The following IL1RAPL2 variants were observed in gnomAD, a reference collection of about 807,000 sequenced individuals.
IL1RAPL2 encodes the protein interleukin 1 receptor accessory protein like 2.
IL1RAPL2 carries 3 observed loss-of-function variants against 44.1 expected under a neutral mutation model. The ratio of observed to expected loss-of-function variants is 0.07; its 90% CI spans 0.03 to 0.18. IL1RAPL2 has a LOEUF of 0.18. IL1RAPL2 is among the 10% of genes least tolerant of loss of function. The pLI is 1.00. For synonymous variants in IL1RAPL2, 181 were observed against 178.8 expected (o/e 1.01, Z -0.10); for missense variants, 391 against 496.4 (o/e 0.79, Z 2.02).
At chrX:105,209,920 GC>G (rs1880310966) in intron 3 of IL1RAPL2, among the ~76,000 whole-genome samples, 1 of 110,942 alleles carries the variant, frequency 9.0e-6, no homozygotes, top group South Asian at 3.9e-4. Context: ...CCTTTCTAGT[GC>G]CCCCTCCTAG....
At chrX:105,250,113 A>G (rs2034257136) in intron 4 of IL1RAPL2, among the ~76,000 whole-genome samples, 1 of 111,567 alleles carries the variant, frequency 9.0e-6, no homozygotes, top group South Asian at 3.6e-4. Flanking sequence ...TGAAAAGGGT[A>G]CGTACTGTAT....
intron 2 of IL1RAPL2, among the ~76,000 whole-genome samples, chrX:104,910,170 C>T (rs988749276): frequency 8.9e-6 from 1 of 112,541 alleles, no homozygotes; most frequent in East Asian, 2.8e-4. Context: ...TCCCTGACCC[C>T]TTGCGCTTCC....
At chrX:104,572,391 A>G (rs774538229) in intron 1 of IL1RAPL2, among the ~76,000 whole-genome samples, 4 of 111,550 alleles carry the variant, frequency 3.6e-5, no homozygotes, top group African/African-American at 1.3e-4. Flanking sequence ...AGACTGGATC[A>G]CTCACCATTA....
chrX:105,570,025 T>C (rs977681875), intron 6 of IL1RAPL2, among the ~76,000 whole-genome samples: 2 of 111,381 alleles, frequency 1.8e-5, no homozygotes, highest in Non-Finnish European at 3.8e-5. Flanking sequence ...GTTACATGGA[T>C]AAGTTCTTTA....
intron 5 of IL1RAPL2, among the ~76,000 whole-genome samples, chrX:105,431,258 G>C (rs910122049): frequency 8.9e-6 from 1 of 112,078 alleles, no homozygotes; most frequent in Non-Finnish European, 1.9e-5. Context: ...TACAGAGAGC[G>C]AATACGGTCT....
At chrX:104,802,398 C>T (rs779567777) in intron 2 of IL1RAPL2, among the ~76,000 whole-genome samples, 2 of 108,450 alleles carry the variant, frequency 1.8e-5, no homozygotes, top group South Asian at 7.8e-4. Context: ...AAAATCAGTC[C>T]ACTTTCAAAG....
chrX:105,239,325 A>C (rs1449023776), intron 4 of IL1RAPL2, among the ~76,000 whole-genome samples: 2 of 112,004 alleles, frequency 1.8e-5, no homozygotes, highest in Non-Finnish European at 3.8e-5. Context: ...AGAGCCTATC[A>C]TAAGGGATAC....
rs184716936 is a variant in IL1RAPL2, at chrX:105,191,398, A to G, written c.83-4077A>G. ...CCTGGCTAATTTTTGTATTTTTAGT[A>G]GAGACAGGATTTCACCATATTGGCC... On this transcript the variant is annotated intron_variant, in intron 2 of 10. Coordinates refer to ENST00000372582, the MANE Select transcript of IL1RAPL2 (RefSeq NM_017416.2). Among the ~76,000 whole-genome samples the G allele has an allele frequency of 6.6e-3, 737 of 111,666 alleles. 7 individuals are homozygous for G. Among genetic ancestry groups the G allele is most frequent in the African/African-American group, 0.023 (707 of 30,722 alleles).
At chrX:105,291,848 GA>G (rs1280099837) in intron 5 of IL1RAPL2, among the ~76,000 whole-genome samples, 16 of 111,104 alleles carry the variant, frequency 1.4e-4, no homozygotes, top group African/African-American at 4.3e-4. Context: ...ACACAATTTT[GA>G]ACTGCACAGG....
chrX:105,633,332 G>A (rs1246701609), intron 6 of IL1RAPL2, among the ~76,000 whole-genome samples: 3 of 111,563 alleles, frequency 2.7e-5, no homozygotes, highest in Non-Finnish European at 3.8e-5. Context: ...TTTGATAATC[G>A]TTCTTTGCTC....
chrX:105,528,781 A>C lies in IL1RAPL2; in HGVS notation c.772+44394A>C, dbSNP rs749342358. Among the ~76,000 whole-genome samples, 152 of 111,361 alleles carry C rather than the reference A, an allele frequency of 1.4e-3. 1 individual carries two copies. Among genetic ancestry groups the C allele is most frequent in the Non-Finnish European group, 1.9e-3 (99 of 52,914 alleles). On this transcript the variant is annotated intron_variant, in intron 6 of 10. Coordinates refer to ENST00000372582, the MANE Select transcript of IL1RAPL2 (RefSeq NM_017416.2). Reference sequence around the variant, plus strand: ...TATAACTATCATGTTCAAAAAGTTTAACATTGATAAGATACTATGTCTAAC... The same window carrying C: ...TATAACTATCATGTTCAAAAAGTTTCACATTGATAAGATACTATGTCTAAC...
rs777603481 is a variant in IL1RAPL2, at chrX:105,093,605, A to G, written c.83-101870A>G. On this transcript the variant is annotated intron_variant, in intron 2 of 10. Transcript: ENST00000372582. ...AATTCAAGGGGCCACATTACATGGA[A>G]CATCATCCAAAGTTTAGATAAACCA... 2.1e-4 allele frequency among the ~76,000 whole-genome samples: 24 copies of G among 112,026 alleles called. 1 individual carries two copies. The highest frequency in any genetic ancestry group is 4.0e-4 in the Non-Finnish European group (21 of 53,151).
At chrX:104,647,289 G>T in intron 1 of IL1RAPL2, 1 of 419,103 alleles carries the variant, frequency 2.4e-6, no homozygotes, top group Admixed American at 2.8e-5. Context: ...AGCACGCTCA[G>T]CTCGATCAGG....
At chrX:104,643,582 A>G (rs1929976928) in intron 1 of IL1RAPL2, among the ~76,000 whole-genome samples, 1 of 111,174 alleles carries the variant, frequency 9.0e-6, no homozygotes, top group South Asian at 3.8e-4. Flanking sequence ...CAAAGAAGTG[A>G]AGTAGGAGTG....
intron 2 of IL1RAPL2, among the ~76,000 whole-genome samples, chrX:104,755,517 TAA>T (rs1932327874): frequency 9.1e-6 from 1 of 110,469 alleles, no homozygotes; most frequent in Non-Finnish European, 1.9e-5. Context: ...CCCCTGAACC[TAA>T]AATTAAGAAG....
intron 3 of IL1RAPL2, among the ~76,000 whole-genome samples, chrX:105,203,338 T>C (rs1480705356): frequency 1.8e-5 from 2 of 111,824 alleles, no homozygotes; most frequent in Non-Finnish European, 3.8e-5. Flanking sequence ...AAAAAAATCC[T>C]CTCTACTCCA....
At chrX:104,680,862 T>C (rs1459081306) in intron 2 of IL1RAPL2, among the ~76,000 whole-genome samples, 1 of 112,203 alleles carries the variant, frequency 8.9e-6, no homozygotes, top group East Asian at 2.8e-4. Context: ...TTGGAATCCA[T>C]GCCCATTATT....
At chrX:105,469,045 G>A (rs1292853952) in intron 5 of IL1RAPL2, among the ~76,000 whole-genome samples, 1 of 111,742 alleles carries the variant, frequency 8.9e-6, no homozygotes, top group African/African-American at 3.2e-5. Flanking sequence ...AGTGGGACTA[G>A]ATTGCCAAAA....
chrX:104,996,061 GC>G (rs754954688), intron 2 of IL1RAPL2, among the ~76,000 whole-genome samples: 173 of 111,533 alleles, frequency 1.6e-3, no homozygotes, highest in African/African-American at 5.5e-3. Context: ...ATAGTGTTAT[GC>G]TTTTTTTCCC....
Sources: gnomAD v4.1 joint callset for allele counts (sites outside exome capture counted in the v4.1 genomes callset) on GRCh38, gnomAD v4.1.1 for gene constraint, MANE v1.5 for transcripts, NCBI Gene and HGNC (gene_info 2026-07-23, HGNC 2026-07-21) for gene names.